KLF8: variants seen among roughly 807,000 people sequenced by gnomAD.
KLF8 encodes the protein Krueppel-like factor 8.
Under a neutral mutation model 18.2 loss-of-function variants are expected in KLF8, and 10 were observed. The observed-to-expected ratio is 0.55, with a 90% CI of 0.34 to 0.93. The LOEUF (loss-of-function observed/expected upper bound fraction) is 0.93, where lower values mean the gene tolerates loss of function less well. KLF8 is among the 40% of genes least tolerant of loss of function. The probability of loss-of-function intolerance (pLI) is 0.02; values close to 1 mark genes in which losing one functional copy is unlikely to be tolerated. For missense variants in KLF8, 264 were observed against 277.9 expected, an observed-to-expected ratio of 0.95 and a Z score of 0.36; for synonymous variants, 109 against 97.3, an observed-to-expected ratio of 1.12 and a Z score of -0.71.
At chrX:56,278,758 C>T (rs1474824688) in intron 5 of KLF8, among the ~76,000 whole-genome samples, 1 of 111,881 alleles carries the variant, frequency 8.9e-6, no homozygotes, top group Non-Finnish European at 1.9e-5. Flanking sequence ...GTGGCCTATA[C>T]TGCCTTTCAA....
At chrX:56,244,972 A>G (rs976204241) in intron 1 of KLF8, among the ~76,000 whole-genome samples, 5 of 111,930 alleles carry the variant, frequency 4.5e-5, no homozygotes, top group Admixed American at 3.8e-4. Context: ...GTATTAGAAA[A>G]TGGTTGGGGA....
the KLF8 span, among the ~76,000 whole-genome samples, chrX:56,083,269 T>C: frequency 3.6e-5 from 4 of 112,263 alleles, no homozygotes; most frequent in African/African-American, 1.3e-4. Context: ...GAAACAAAAG[T>C]TATGAGGTTC....
the KLF8 span, among the ~76,000 whole-genome samples, chrX:56,140,521 A>G: frequency 9.0e-6 from 1 of 111,352 alleles, no homozygotes; most frequent in African/African-American, 3.3e-5. Flanking sequence ...ATACCAAATA[A>G]TGCATATTCT....
At chrX:55,973,357 G>A in the KLF8 span, among the ~76,000 whole-genome samples, 2 of 111,920 alleles carry the variant, frequency 1.8e-5, no homozygotes, top group Admixed American at 9.5e-5. Flanking sequence ...TGACAAGTGG[G>A]AAGTAATTAA....
At chrX:56,072,943 T>A in the KLF8 span, among the ~76,000 whole-genome samples, 3 of 110,711 alleles carry the variant, frequency 2.7e-5, no homozygotes, top group African/African-American at 9.8e-5. Context: ...ATAAGGGGAA[T>A]CATACAATAT....
chrX:56,254,767 A>T (rs752416242), intron 2 of KLF8, among the ~76,000 whole-genome samples: 1 of 111,525 alleles, frequency 9.0e-6, no homozygotes, highest in Non-Finnish European at 1.9e-5. Flanking sequence ...CTTCTCTCCA[A>T]CATCCAACTA....
At position 56,285,455 on chromosome X, in the gene KLF8, G is replaced by C. The variant is rs2067258171; in HGVS notation, c.*961G>C. On this transcript the variant is annotated 3_prime_UTR_variant, in exon 6 of 6. Coordinates refer to ENST00000468660, the MANE Select transcript of KLF8 (RefSeq NM_007250.5). The stretch of plus-strand genomic sequence containing the variant: ...AGGCTGTCGAGACAGTGTCTTGAGG[G>C]GCTGGCTGTACTGTTTATTTTTTCG... 1 of 111,291 alleles carries C rather than the reference G, an allele frequency of 9.0e-6. No homozygotes were observed. Among genetic ancestry groups the C allele is most frequent in the African/African-American group, 3.3e-5 (1 of 30,577 alleles). The allele number at this position is 111,291 out of a possible 1,213,427, so 9.2% of individuals were successfully genotyped here.
the KLF8 span, among the ~76,000 whole-genome samples, chrX:56,118,424 A>G: frequency 9.0e-6 from 1 of 111,621 alleles, no homozygotes; most frequent in Admixed American, 9.5e-5. Flanking sequence ...TAGAAGTTAT[A>G]AATACTTATC....
chrX:56,162,328 T>C, the KLF8 span, among the ~76,000 whole-genome samples: 1 of 112,016 alleles, frequency 8.9e-6, no homozygotes, highest in South Asian at 3.7e-4. Flanking sequence ...TCTGCAGAGT[T>C]TTCTGCTGCC....
At chrX:55,975,703 AATACATT>A in the KLF8 span, among the ~76,000 whole-genome samples, 1 of 112,254 alleles carries the variant, frequency 8.9e-6, no homozygotes, top group Non-Finnish European at 1.9e-5. Flanking sequence ...GAATTTGGCC[AATACATT>A]ATATCATGCA....
intron 2 of KLF8, among the ~76,000 whole-genome samples, chrX:56,264,953 C>T (rs1028800426): frequency 8.9e-6 from 1 of 111,796 alleles, no homozygotes; most frequent in Admixed American, 9.5e-5. Context: ...TTATTGTGAA[C>T]GTTAAATGAA....
the KLF8 span, among the ~76,000 whole-genome samples, chrX:56,116,512 G>A: frequency 1.8e-5 from 2 of 109,702 alleles, no homozygotes; most frequent in Non-Finnish European, 3.8e-5. Context: ...GAAAGCTGGA[G>A]GAGGAATGGT....
chrX:56,265,302 T>G lies in KLF8; in HGVS notation c.204T>G (p.Ile68Met), dbSNP rs2066954611. The G allele has an allele frequency of 8.3e-7, 1 of 1,207,891 alleles. No individual in the cohort carries two copies. Among genetic ancestry groups the G allele is most frequent in the South Asian group, 1.8e-5 (1 of 56,414 alleles). Reference protein sequence around the residue: ...ENPALFNDIKIEPPEELLASD... With the variant: ...ENPALFNDIKMEPPEELLASD... ...CAGCACTGTTTAATGACATCAAGAT[T>G]GAGCCCCCAGAAGAACTTTTGGCTA... Residue 68 changes from isoleucine (I) to methionine (M), a missense_variant, in exon 3 of 6, where the codon ATT (isoleucine) becomes ATG (methionine). Ile to Met is a conservative substitution (Grantham distance 10). Around this residue, in one of 2 missense-constraint regions of KLF8, gnomAD observed 221 missense variants for 193.6 expected, o/e 1.14. Coordinates refer to ENST00000468660, the MANE Select transcript of KLF8 (RefSeq NM_007250.5).
At chrX:56,143,895 G>T in the KLF8 span, among the ~76,000 whole-genome samples, 1 of 112,158 alleles carries the variant, frequency 8.9e-6, no homozygotes, top group Non-Finnish European at 1.9e-5. Context: ...AAAATCCACG[G>T]GGTGAAATCT....
At chrX:56,266,001 A>G in intron 3 of KLF8, 2 of 865,581 alleles carry the variant, frequency 2.3e-6, no homozygotes, top group Non-Finnish European at 2.9e-6. Context: ...GAACTTCCAC[A>G]TTATTTGATA....
chrX:55,948,329 A>T, the KLF8 span, among the ~76,000 whole-genome samples: 1 of 111,687 alleles, frequency 9.0e-6, no homozygotes, highest in Non-Finnish European at 1.9e-5. Context: ...TATGTCATAC[A>T]TAGACAAATA....
intron 3 of KLF8, chrX:56,267,406 C>A: frequency 8.1e-6 from 1 of 123,100 alleles, no homozygotes; most frequent in Non-Finnish European, 1.6e-5. Context: ...GCGGAAAGCC[C>A]TGATAAACCC....
At chrX:56,269,750 A>G (rs1188269741) in intron 4 of KLF8, among the ~76,000 whole-genome samples, 4 of 112,585 alleles carry the variant, frequency 3.6e-5, no homozygotes, top group African/African-American at 9.7e-5. Flanking sequence ...CAAATTTCCC[A>G]TAAAGTGTAG....
chrX:56,186,669 A>G, the KLF8 span, among the ~76,000 whole-genome samples: 1 of 111,923 alleles, frequency 8.9e-6, no homozygotes, highest in East Asian at 2.8e-4. Flanking sequence ...AAATTATAAC[A>G]AACTGTCTCT....
Sources: gnomAD v4.1 joint callset for allele counts (sites outside exome capture counted in the v4.1 genomes callset) on GRCh38, gnomAD v4.1.1 for gene constraint, gnomAD v4.1.1 regional missense constraint, MANE v1.5 for transcripts, NCBI Gene and HGNC (gene_info 2026-07-23, HGNC 2026-07-21) for gene names.